The following LYPD5 variants were observed in gnomAD, a reference collection of about 807,000 sequenced individuals.
The protein encoded by LYPD5 is LY6/PLAUR domain containing 5, also known as ly6/PLAUR domain-containing protein 5.
Under a neutral mutation model 19.1 loss-of-function variants are expected in LYPD5, and 21 were observed. The observed-to-expected ratio is 1.10, with a 90% CI of 0.78 to 1.58. LYPD5 has a LOEUF of 1.58. LYPD5 is among the 40% of genes most tolerant of loss of function. The probability of loss-of-function intolerance (pLI) is 0.00; values close to 1 mark genes in which losing one functional copy is unlikely to be tolerated. For synonymous variants in LYPD5, 128 were observed against 142.7 expected, an observed-to-expected ratio of 0.90 and a Z score of 0.74; for missense variants, 287 against 329.8, an observed-to-expected ratio of 0.87 and a Z score of 1.00.
chr19:43,798,943 C>T lies in LYPD5; in HGVS notation c.239G>A (p.Gly80Glu). Reference protein sequence around the residue: ...VTLVRKGCWTGPPAGQTQSNA... With the variant: ...VTLVRKGCWTEPPAGQTQSNA... ...CGATTGCGTCTGGCCCGCAGGAGGC[C>T]CGGTCCAGCAGCCCTTCCGCACCAG... Residue 80 changes from glycine to glutamate, a missense_variant, in exon 3 of 5, where the codon GGG (glycine) becomes GAG (glutamate). Transcript: ENST00000377950. 6.3e-7 allele frequency: 1 copy of T among 1,590,412 alleles called. No homozygotes were observed. Among genetic ancestry groups the T allele is most frequent in the Non-Finnish European group, 8.6e-7 (1 of 1,169,260 alleles).
intron 1 of LYPD5, among the ~76,000 whole-genome samples, chr19:43,813,929 T>C (rs1211383980): frequency 1.3e-5 from 2 of 152,124 alleles, no homozygotes; most frequent in Non-Finnish European, 2.9e-5. Flanking sequence ...CTCAAGTGAT[T>C]TGCCTGCAAC....
intron 2 of LYPD5, 62 bp from the exon 3 acceptor site, chr19:43,799,050 G>A: frequency 1.3e-6 from 2 of 1,489,632 alleles, no homozygotes; most frequent in African/African-American, 1.4e-5. Context: ...CAGTCTCAGC[G>A]TTCTTCCTCC....
In LYPD5 at chr19:43,818,448, C is replaced by T. The variant is rs112764840; in HGVS notation, c.-66+2092G>A. ...GTTTAATTTTGTGTTTTAAGACCAC[C>T]TAGCTGAGGAGAAGAAGGGAGGTGA... is the stretch of plus-strand genomic sequence containing the variant. On this transcript the variant is annotated intron_variant, in intron 1 of 4. Transcript: ENST00000414615. Among the ~76,000 whole-genome samples, 457 of 152,276 alleles carry T rather than the reference C, an allele frequency of 3.0e-3. 3 individuals are homozygous for T. Among genetic ancestry groups the T allele is most frequent in the African/African-American group, 0.01 (436 of 41,544 alleles).
At chr19:43,812,238 T>C (rs549689024) in intron 1 of LYPD5, among the ~76,000 whole-genome samples, 1 of 152,252 alleles carries the variant, frequency 6.6e-6, no homozygotes, top group Admixed American at 6.5e-5. Context: ...CCATGTCCCA[T>C]TGGCCACAGC....
At chr19:43,808,136 G>A (rs1970286864) in intron 1 of LYPD5, among the ~76,000 whole-genome samples, 1 of 152,082 alleles carries the variant, frequency 6.6e-6, no homozygotes, top group Admixed American at 6.5e-5. Flanking sequence ...TTTTGAGACA[G>A]AGTCTCACTC....
At chr19:43,800,506 G>T (rs538669132) in intron 1 of LYPD5, among the ~76,000 whole-genome samples, 7 of 152,308 alleles carry the variant, frequency 4.6e-5, no homozygotes, top group Admixed American at 1.3e-4. Context: ...GAGGATGCTT[G>T]TGCCTGTATG....
intron 1 of LYPD5, among the ~76,000 whole-genome samples, chr19:43,808,464 T>G (rs915124004): frequency 6.6e-6 from 1 of 152,210 alleles, no homozygotes; most frequent in African/African-American, 2.4e-5. Flanking sequence ...GGTTTAATAT[T>G]TAAATATTCA....
At chr19:43,802,935 T>A (rs1263887537), upstream of LYPD5, among the ~76,000 whole-genome samples, 1 of 152,084 alleles carries the variant, frequency 6.6e-6, no homozygotes, top group East Asian at 1.9e-4. Context: ...TGTGAACTCT[T>A]CGGGGGCCTC....
intron 1 of LYPD5, among the ~76,000 whole-genome samples, chr19:43,819,882 A>G (rs1970404906): frequency 6.6e-6 from 1 of 152,220 alleles, no homozygotes; most frequent in African/African-American, 2.4e-5. Context: ...TTGGGAAGCT[A>G]GAGAGTTGGT....
chr19:43,808,480 A>T (rs1459832898), intron 1 of LYPD5, among the ~76,000 whole-genome samples: 2 of 152,222 alleles, frequency 1.3e-5, no homozygotes, highest in African/African-American at 4.8e-5. Context: ...ATTCACATCT[A>T]AAGAGTTTAA....
intron 1 of LYPD5, among the ~76,000 whole-genome samples, chr19:43,818,556 G>A (rs1398298965): frequency 1.3e-5 from 2 of 152,224 alleles, no homozygotes; most frequent in Non-Finnish European, 2.9e-5. Context: ...ATAGTTCAAT[G>A]GGTTCTGTAA....
At chr19:43,807,710 A>G (rs890654969) in intron 1 of LYPD5, among the ~76,000 whole-genome samples, 5 of 152,348 alleles carry the variant, frequency 3.3e-5, no homozygotes, top group African/African-American at 1.2e-4. Context: ...AGCTGCATAA[A>G]GGAGGCAAAG....
At chr19:43,808,921 CAAT>C (rs1249804755) in intron 1 of LYPD5, among the ~76,000 whole-genome samples, 1 of 152,166 alleles carries the variant, frequency 6.6e-6, no homozygotes, top group African/African-American at 2.4e-5. Flanking sequence ...ATTTCTAAAG[CAAT>C]AATAAGCAAC....
chr19:43,818,497 G>A (rs1970391837), intron 1 of LYPD5, among the ~76,000 whole-genome samples: 2 of 152,202 alleles, frequency 1.3e-5, no homozygotes, highest in Non-Finnish European at 2.9e-5. Context: ...TTCATGAAAT[G>A]TTTGTCCCAG....
Position 43,799,815 on chromosome 19 carries a change from G to C in LYPD5, c.84C>G (p.Cys28Trp), listed in dbSNP as rs376766482. 1.9e-6 allele frequency: 3 copies of C among 1,612,796 alleles called. No individual in the cohort carries two copies. In the African/African-American group the frequency reaches 4.0e-5, roughly 22 times the overall value. ...LCLTGSQALQCYSFEHTYFGP... is the reference protein window; with the variant it reads ...LCLTGSQALQWYSFEHTYFGP... Reference sequence around the variant, plus strand: ...CAAAGTAGGTGTGCTCAAAGCTGTAGCACTGCAGGGCTTGGGACCCTGGGG... The same window carrying C: ...CAAAGTAGGTGTGCTCAAAGCTGTACCACTGCAGGGCTTGGGACCCTGGGG... Residue 28 changes from cysteine (C) to tryptophan (W), a missense_variant, in exon 2 of 5, where the codon TGC (cysteine) becomes TGG (tryptophan). Coordinates refer to ENST00000377950, the MANE Select transcript of LYPD5 (RefSeq NM_001031749.3).
At chr19:43,801,973 T>C (rs907462091) in intron 1 of LYPD5, among the ~76,000 whole-genome samples, 6 of 152,040 alleles carry the variant, frequency 3.9e-5, no homozygotes, top group African/African-American at 9.7e-5. Context: ...TACCTTTGAA[T>C]TGGGGGTTGG....
intron 4 of LYPD5, among the ~76,000 whole-genome samples, chr19:43,798,110 TG>T (rs1332519577): frequency 2.7e-5 from 2 of 74,938 alleles, no homozygotes; most frequent in Admixed American, 1.5e-4. Flanking sequence ...GACCAGGGCA[TG>T]GCCTCCTTCC....
chr19:43,818,176 T>C (rs1415546723), intron 1 of LYPD5, among the ~76,000 whole-genome samples: 2 of 152,184 alleles, frequency 1.3e-5, no homozygotes, highest in Non-Finnish European at 2.9e-5. Flanking sequence ...GGGCCAAACA[T>C]GGATAAGTAA....
At chr19:43,814,035 A>G (rs1970348851) in intron 1 of LYPD5, among the ~76,000 whole-genome samples, 1 of 152,166 alleles carries the variant, frequency 6.6e-6, no homozygotes, top group South Asian at 2.1e-4. Context: ...ATATGCATGC[A>G]TTTTGTATGT....
Sources: allele counts gnomAD v4.1 joint callset (sites outside exome capture counted in the v4.1 genomes callset), GRCh38; gene constraint gnomAD v4.1.1; transcripts MANE v1.5; gene names NCBI Gene and HGNC (gene_info 2026-07-23, HGNC 2026-07-21).